The following CLDN23 variants were observed in gnomAD, a reference collection of about 807,000 sequenced individuals.
CLDN23 encodes claudin 23.
A neutral mutation model predicts 1.4 loss-of-function variants in CLDN23; 3 were observed. That is an observed-to-expected ratio of 2.10 (90% CI 0.96 to 5.43). CLDN23 has a LOEUF of 5.43. Among genes scored for constraint, CLDN23 ranks in the 30% most tolerant of loss-of-function variants. The pLI, the probability that CLDN23 is intolerant of heterozygous loss-of-function variation, is 0.02. For synonymous variants in CLDN23, 291 were observed against 209.9 expected (o/e 1.39, Z -3.34); for missense variants, 597 against 433.5 (o/e 1.38, Z -3.35).
rs779192610 is a variant in CLDN23, at chr8:8,703,106, CCGCAAG to C, written c.710_715del (p.Arg237_Lys238del). The C allele has an allele frequency of 2.1e-5, 32 of 1,543,814 alleles. No homozygotes were observed. In the South Asian group the frequency reaches 2.6e-4, roughly 13 times the overall value. ...AGCACCGACCGCCGCCTGCCCAGCA[CCGCAAG>C]CCCAAGCCCAAGCCCAAGGTCGGCT... On this transcript the variant is annotated inframe_deletion, in exon 1 of 1. Coordinates refer to ENST00000519106, the MANE Select transcript of CLDN23 (RefSeq NM_194284.3).
chr8:8,702,527 G>A lies in CLDN23; in HGVS notation c.129G>A (p.Val43=), dbSNP rs1483271432. 4.3e-6 allele frequency: 7 copies of A among 1,611,552 alleles called. No individual in the cohort carries two copies. The highest frequency in any genetic ancestry group is 1.7e-5 in the Admixed American group (1 of 59,892). The change falls in exon 1 of 1, where the codon GTG becomes GTA. Residue 43 remains valine, a synonymous_variant. Coordinates refer to ENST00000519106, the MANE Select transcript of CLDN23 (RefSeq NM_194284.3). ...GCTTCCTGAACCAGCCAGTGGACGT[G>A]GAGTTGTACCAGGGCCTGTGGGACA... is the stretch of plus-strand genomic sequence containing the variant. ...VKGFLNQPVD[V]ELYQGLWDMC... is the part of the protein sequence containing the mutation.
chr8:8,703,430 G>T lies in CLDN23; in HGVS notation c.*153G>T. The T allele has an allele frequency of 1.4e-6, 1 of 720,724 alleles. No individual in the cohort carries two copies. The highest frequency in any genetic ancestry group is 2.0e-6 in the Non-Finnish European group (1 of 505,416). The allele number at this position is 720,724 out of a possible 1,614,324, so 44.6% of individuals were successfully genotyped here. ...CCAAACAGGACTCCTTGGACGATTA[G>T]TTCAGGTTGGGTTTGGTTTTCTTCT... On this transcript the variant is annotated 3_prime_UTR_variant, in exon 1 of 1. Coordinates refer to ENST00000519106, the MANE Select transcript of CLDN23 (RefSeq NM_194284.3).
chr8:8,702,692 G>T lies in CLDN23; in HGVS notation c.294G>T (p.Ala98=). ...CCACGGTCCTGGGGCTTCTGCTGGC[G>T]TCGCTGGGCGTGCGCTGCTGGCAGG... is the stretch of plus-strand genomic sequence containing the variant. ...LAATVLGLLL[A]SLGVRCWQDE... Residue 98 remains alanine (A), a synonymous_variant, in exon 1 of 1, where the codon GCG becomes GCT. Transcript: ENST00000519106. 6.2e-7 allele frequency: 1 copy of T among 1,606,414 alleles called. No homozygotes were observed.
chr8:8,703,074 G>A lies in CLDN23; in HGVS notation c.676G>A (p.Asp226Asn), dbSNP rs746790479. ...GGCGCCCGCCATCAAGTACTACAGC[G>A]ACGGCCAGCACCGACCGCCGCCTGC... is the stretch of plus-strand genomic sequence containing the variant. ...DLAPAIKYYSDGQHRPPPAQH... is the reference protein window; with the variant it reads ...DLAPAIKYYSNGQHRPPPAQH... Residue 226 changes from aspartate to asparagine, a missense_variant, in exon 1 of 1, where the codon GAC becomes AAC. Coordinates refer to ENST00000519106, the MANE Select transcript of CLDN23 (RefSeq NM_194284.3). 1.4e-5 allele frequency: 22 copies of A among 1,536,372 alleles called. No homozygotes were observed. The East Asian group carries it at 4.6e-4, about 32-fold the overall frequency.
Position 8,702,273 on chromosome 8 carries a change from C to A in CLDN23, c.-126C>A. 1 of 1,075,812 alleles carries A rather than the reference C, an allele frequency of 9.3e-7. No individual in the cohort carries two copies. Among genetic ancestry groups the A allele is most frequent in the East Asian group, 2.8e-5 (1 of 35,688 alleles). 66.6% of individuals were successfully genotyped at this position (1,075,812 alleles called of 1,614,324 possible). Reference sequence around the variant, plus strand: ...GGGCTCAGGAGCCCGACCCGGAGCCCGGGGCGTCCGCGCTGACTTCGGGTC... The same window carrying A: ...GGGCTCAGGAGCCCGACCCGGAGCCAGGGGCGTCCGCGCTGACTTCGGGTC... On this transcript the variant is annotated 5_prime_UTR_variant, in exon 1 of 1. Coordinates refer to ENST00000519106, the MANE Select transcript of CLDN23 (RefSeq NM_194284.3).
chr8:8,703,220 T>TC lies in CLDN23; in HGVS notation c.825dup (p.Ser276LeufsTer95). Reference sequence around the variant, plus strand: ...GGGAGGGGTGGGAGTCCCAGGACGCTCCCTCGTGCAGCACCCACCCCTGCG... The same window carrying TC: ...GGGAGGGGTGGGAGTCCCAGGACGCTCCCCTCGTGCAGCACCCACCCCTGCG... On this transcript the variant is annotated frameshift_variant, in exon 1 of 1. Transcript: ENST00000519106. LOFTEE classifies it high-confidence loss of function. The TC allele has an allele frequency of 2.1e-6, 3 of 1,463,164 alleles. No individual in the cohort carries two copies. Among genetic ancestry groups the TC allele is most frequent in the Non-Finnish European group, 2.7e-6 (3 of 1,106,078 alleles). 90.6% of individuals were successfully genotyped at this position (1,463,164 alleles called of 1,614,324 possible).
In CLDN23 at chr8:8,702,073, G is replaced by A. The variant is rs11783735; in HGVS notation, c.-326G>A. On this transcript the variant is annotated 5_prime_UTR_variant, in exon 1 of 1. Transcript: ENST00000519106. ...CCTCCCTCCCGGGCCAGGTTTGGCCGCGGCAGCCGCCCCTGGGCGCCCGCG... is the reference window on the plus strand; with the variant it reads ...CCTCCCTCCCGGGCCAGGTTTGGCCACGGCAGCCGCCCCTGGGCGCCCGCG... 0.24 allele frequency: 54,567 copies of A among 229,182 alleles called. 7,257 individuals are homozygous for A. Among genetic ancestry groups the A allele is most frequent in the East Asian group, 0.4 (4,891 of 12,254 alleles). 14.2% of individuals were successfully genotyped at this position (229,182 alleles called of 1,614,324 possible). A position where few individuals can be genotyped will look rare whatever the true frequency, so the allele number is the denominator to read the frequency against.
rs756798948 is a variant in CLDN23 at position 8,702,523 on chromosome 8, AC to A, written c.126del (p.Asp42GlufsTer255). 6.2e-7 allele frequency: 1 copy of A among 1,611,488 alleles called. No homozygotes were observed. Among genetic ancestry groups the A allele is most frequent in the African/African-American group, 1.3e-5 (1 of 74,928 alleles). On this transcript the variant is annotated frameshift_variant, in exon 1 of 1. Transcript: ENST00000519106. LOFTEE classifies it high-confidence loss of function. ...AAGGGCTTCCTGAACCAGCCAGTGG[AC>A]GTGGAGTTGTACCAGGGCCTGTGGG... is the stretch of plus-strand genomic sequence containing the variant. ...LVKGFLNQPV[D>X]VELYQGLWDM...
Position 8,702,809 on chromosome 8 carries a change from C to T in CLDN23, c.411C>T (p.His137=). 1.2e-6 allele frequency: 2 copies of T among 1,610,414 alleles called. No individual in the cohort carries two copies. Among genetic ancestry groups the T allele is most frequent in the Non-Finnish European group, 8.5e-7 (1 of 1,179,306 alleles). ...LGLIPVSWYN[H]FLGDRDVLPA... is the part of the protein sequence containing the mutation. ...TCATCCCGGTGTCCTGGTACAACCA[C>T]TTCTTGGGGGACCGCGACGTGCTGC... is the stretch of plus-strand genomic sequence containing the variant. The change falls in exon 1 of 1, where the codon CAC becomes CAT. Residue 137 remains histidine, a synonymous_variant. Coordinates refer to ENST00000519106, the MANE Select transcript of CLDN23 (RefSeq NM_194284.3).
chr8:8,702,315 C>A lies in CLDN23; in HGVS notation c.-84C>A. 2.1e-6 allele frequency: 3 copies of A among 1,406,106 alleles called. No homozygotes were observed. The highest frequency in any genetic ancestry group is 1.5e-5 in the South Asian group (1 of 66,024). The allele number at this position is 1,406,106 out of a possible 1,614,324, so 87.1% of individuals were successfully genotyped here. ...CTTCGGGTCCCCGGAGCCTGGGGCA[C>A]GGCAGGGAGAAGACGACGGCGGAGA... On this transcript the variant is annotated 5_prime_UTR_variant, in exon 1 of 1. Transcript: ENST00000519106.
Position 8,703,076 on chromosome 8 carries a change from CG to C in CLDN23, c.680del (p.Gly227AlafsTer70). 6.5e-7 allele frequency: 1 copy of C among 1,530,054 alleles called. No homozygotes were observed. 94.8% of individuals were successfully genotyped at this position (1,530,054 alleles called of 1,614,324 possible). On this transcript the variant is annotated frameshift_variant, in exon 1 of 1. Coordinates refer to ENST00000519106, the MANE Select transcript of CLDN23 (RefSeq NM_194284.3). LOFTEE classifies it low-confidence loss of function (END_TRUNC). ...CGCCCGCCATCAAGTACTACAGCGA[CG>C]GCCAGCACCGACCGCCGCCTGCCCA... is the stretch of plus-strand genomic sequence containing the variant. Reference protein sequence around the residue: ...LAPAIKYYSDGQHRPPPAQHR... With the variant: ...LAPAIKYYSDXQHRPPPAQHR...
In CLDN23 at chr8:8,702,800, G is replaced by A; in HGVS notation, c.402G>A (p.Trp134Ter). 1.9e-6 allele frequency: 3 copies of A among 1,610,844 alleles called. No individual in the cohort carries two copies. Among genetic ancestry groups the A allele is most frequent in the Non-Finnish European group, 2.5e-6 (3 of 1,179,548 alleles). Residue 134 changes from tryptophan (W) to a stop codon, truncating the protein, a stop_gained, in exon 1 of 1, where the codon TGG (tryptophan) becomes TGA (stop). Coordinates refer to ENST00000519106, the MANE Select transcript of CLDN23 (RefSeq NM_194284.3). LOFTEE classifies it low-confidence loss of function (END_TRUNC). ...AGLLGLIPVS[W>*]YNHFLGDRDV... ...TCCTCGGCCTCATCCCGGTGTCCTGGTACAACCACTTCTTGGGGGACCGCG... is the reference window on the plus strand; with the variant it reads ...TCCTCGGCCTCATCCCGGTGTCCTGATACAACCACTTCTTGGGGGACCGCG...
At position 8,703,151 on chromosome 8, in the gene CLDN23, G is replaced by A. The variant is rs1199176958; in HGVS notation, c.753G>A (p.Arg251=). 1.3e-6 allele frequency: 2 copies of A among 1,537,554 alleles called. No homozygotes were observed. Among genetic ancestry groups the A allele is most frequent in the East Asian group, 2.5e-5 (1 of 40,376 alleles). Residue 251 remains arginine, a synonymous_variant, in exon 1 of 1, where the codon CGG becomes CGA. Transcript: ENST00000519106. ...CCAAGGTCGGCTTCCCCATGCCGCG[G>A]CCGCGGCCCAAGGCCTACACCAACT... The part of the protein sequence containing the change: ...PKPKVGFPMP[R]PRPKAYTNSV...
chr8:8,703,160 C>G lies in CLDN23; in HGVS notation c.762C>G (p.Pro254=). 1 of 1,534,080 alleles carries G rather than the reference C, an allele frequency of 6.5e-7. No individual in the cohort carries two copies. The highest frequency in any genetic ancestry group is 8.7e-7 in the Non-Finnish European group (1 of 1,147,574). ...KVGFPMPRPR[P]KAYTNSVDVL... ...GCTTCCCCATGCCGCGGCCGCGGCC[C>G]AAGGCCTACACCAACTCGGTGGACG... Residue 254 remains proline, a synonymous_variant, in exon 1 of 1, where the codon CCC becomes CCG. Coordinates refer to ENST00000519106, the MANE Select transcript of CLDN23 (RefSeq NM_194284.3).
rs974001452 is a variant in CLDN23 at position 8,702,310 on chromosome 8, G to C, written c.-89G>C. On this transcript the variant is annotated 5_prime_UTR_variant, in exon 1 of 1. Transcript: ENST00000519106. ...GCTGACTTCGGGTCCCCGGAGCCTGGGGCACGGCAGGGAGAAGACGACGGC... is the reference window on the plus strand; with the variant it reads ...GCTGACTTCGGGTCCCCGGAGCCTGCGGCACGGCAGGGAGAAGACGACGGC... 11 of 1,393,190 alleles carry C rather than the reference G, an allele frequency of 7.9e-6. No individual in the cohort carries two copies. In the African/African-American group the frequency reaches 1.3e-4, roughly 17 times the overall value. 86.3% of individuals were successfully genotyped at this position (1,393,190 alleles called of 1,614,324 possible).
chr8:8,702,322 G>C lies in CLDN23; in HGVS notation c.-77G>C, dbSNP rs9644774. On this transcript the variant is annotated 5_prime_UTR_variant, in exon 1 of 1. Coordinates refer to ENST00000519106, the MANE Select transcript of CLDN23 (RefSeq NM_194284.3). ...TCCCCGGAGCCTGGGGCACGGCAGG[G>C]AGAAGACGACGGCGGAGAAGGCGAC... The C allele has an allele frequency of 2.1e-6, 3 of 1,427,066 alleles. No homozygotes were observed. The highest frequency in any genetic ancestry group is 3.0e-5 in the African/African-American group (2 of 67,680). 88.4% of individuals were successfully genotyped at this position (1,427,066 alleles called of 1,614,324 possible). A position where few individuals can be genotyped will look rare whatever the true frequency, so the allele number is the denominator to read the frequency against.
Position 8,702,256 on chromosome 8 carries a change from G to C in CLDN23, c.-143G>C. On this transcript the variant is annotated 5_prime_UTR_variant, in exon 1 of 1. Coordinates refer to ENST00000519106, the MANE Select transcript of CLDN23 (RefSeq NM_194284.3). ...CGTCCCTGGAGCGATCAGGGCTCAG[G>C]AGCCCGACCCGGAGCCCGGGGCGTC... 1 of 865,866 alleles carries C rather than the reference G, an allele frequency of 1.2e-6. No individual in the cohort carries two copies. Among genetic ancestry groups the C allele is most frequent in the South Asian group, 1.9e-5 (1 of 51,898 alleles). The allele number at this position is 865,866 out of a possible 1,614,324, so 53.6% of individuals were successfully genotyped here. A position where few individuals can be genotyped will look rare whatever the true frequency, so the allele number is the denominator to read the frequency against.
In CLDN23 at chr8:8,702,733, T is replaced by C. The variant is rs964572940; in HGVS notation, c.335T>C (p.Val112Ala). 2 of 1,609,186 alleles carry C rather than the reference T, an allele frequency of 1.2e-6. No homozygotes were observed. The highest frequency in any genetic ancestry group is 1.7e-6 in the Non-Finnish European group (2 of 1,179,496). The change falls in exon 1 of 1, where the codon GTG becomes GCG. Residue 112 changes from valine (V) to alanine (A), a missense_variant. Val to Ala is a moderately conservative substitution (Grantham distance 64, BLOSUM62 0). Transcript: ENST00000519106. The stretch of plus-strand genomic sequence containing the variant: ...TGCTGGCAGGACGAGCCCAACTTCG[T>C]GCTGGCAGGGCTCTCGGGCGTCGTG... ...VRCWQDEPNF[V>A]LAGLSGVVLF... is the part of the protein sequence containing the mutation.
chr8:8,702,322 G>T lies in CLDN23; in HGVS notation c.-77G>T. On this transcript the variant is annotated 5_prime_UTR_variant, in exon 1 of 1. Transcript: ENST00000519106. ...TCCCCGGAGCCTGGGGCACGGCAGG[G>T]AGAAGACGACGGCGGAGAAGGCGAC... is the stretch of plus-strand genomic sequence containing the variant. The T allele has an allele frequency of 7.0e-7, 1 of 1,427,144 alleles. No homozygotes were observed. The highest frequency in any genetic ancestry group is 1.5e-5 in the South Asian group (1 of 67,406). 88.4% of individuals were successfully genotyped at this position (1,427,144 alleles called of 1,614,324 possible). A position where few individuals can be genotyped will look rare whatever the true frequency, so the allele number is the denominator to read the frequency against.
Sources: allele counts gnomAD v4.1 joint callset, GRCh38; gene constraint gnomAD v4.1.1; transcripts MANE v1.5; gene names NCBI Gene and HGNC (gene_info 2026-07-23, HGNC 2026-07-21).